Variants in HSP90AA1 observed in about 807,000 individuals in gnomAD.
HSP90AA1 encodes the protein heat shock protein 90 alpha family class A member 1.
A neutral mutation model predicts 73.3 loss-of-function variants in HSP90AA1; 18 were observed. The ratio of observed to expected loss-of-function variants is 0.25; its 90% confidence interval spans 0.17 to 0.36. The LOEUF (loss-of-function observed/expected upper bound fraction) is 0.36, where lower values mean the gene tolerates loss of function less well. Ranked by LOEUF, HSP90AA1 falls within the 10% of genes least tolerant of loss-of-function variation. HSP90AA1 has a pLI of 1.00. For missense variants in HSP90AA1, 704 were observed against 874.2 expected, an observed-to-expected ratio of 0.81 and a Z score of 2.45; for synonymous variants, 477 against 296.9, an observed-to-expected ratio of 1.61 and a Z score of -6.24.
rs192637814 is a variant in HSP90AA1 at position 102,098,754 on chromosome 14, G to A, written c.366+3121C>T. 2.7e-3 allele frequency among the ~76,000 whole-genome samples: 414 copies of A among 152,176 alleles called. 1 individual carries two copies. Among genetic ancestry groups the A allele is most frequent in the Non-Finnish European group, 4.6e-3 (311 of 67,986 alleles). ...TCTGTCGCCCAGGCTGGAGTGCAAT[G>A]GCACGATCTTGGCTCACTGTAACCT... On this transcript the variant is annotated intron_variant, in intron 2 of 11. Coordinates refer to the HSP90AA1 transcript ENST00000334701.
chr14:102,088,344 C>G (rs1044211958), upstream of HSP90AA1, among the ~76,000 whole-genome samples: 1 of 152,184 alleles, frequency 6.6e-6, no homozygotes, highest in African/African-American at 2.4e-5. Context: ...CCTGCCTAGA[C>G]TCATAGCCAG....
chr14:102,118,650 T>C (rs543798437), intron 1 of HSP90AA1, among the ~76,000 whole-genome samples: 14 of 152,322 alleles, frequency 9.2e-5, no homozygotes, highest in African/African-American at 2.9e-4. Flanking sequence ...TTTTAAATAA[T>C]ATTAATAACA....
At chr14:102,129,794 C>G (rs1303941413) in intron 1 of HSP90AA1, among the ~76,000 whole-genome samples, 1 of 110,262 alleles carries the variant, frequency 9.1e-6, no homozygotes, top group Admixed American at 1.1e-4. Flanking sequence ...TGAGCCACCA[C>G]GCCCGACAAC....
chr14:102,134,152 A>G (rs1275615573), intron 1 of HSP90AA1, among the ~76,000 whole-genome samples: 1 of 148,474 alleles, frequency 6.7e-6, no homozygotes, highest in African/African-American at 2.5e-5. Flanking sequence ...CCTGTCTCAA[A>G]AAAAAAAAAA....
intron 7 of HSP90AA1, 44 bp from the exon 8 acceptor site, chr14:102,083,737 A>C: frequency 6.3e-7 from 1 of 1,592,552 alleles, no homozygotes; most frequent in Non-Finnish European, 8.6e-7. Flanking sequence ...TGAATTAAAA[A>C]AAAAAAAAAA....
At chr14:102,105,241 T>G (rs1248455756) in intron 1 of HSP90AA1, among the ~76,000 whole-genome samples, 5 of 148,024 alleles carry the variant, frequency 3.4e-5, no homozygotes, top group Non-Finnish European at 5.9e-5. Context: ...CAAACTTCAT[T>G]CAACAAACAC....
chr14:102,084,821 T>C lies in HSP90AA1; in HGVS notation c.841A>G (p.Lys281Glu), dbSNP rs1374978162. The C allele has an allele frequency of 6.2e-7, 1 of 1,610,988 alleles. No homozygotes were observed. The highest frequency in any genetic ancestry group is 8.5e-7 in the Non-Finnish European group (1 of 1,177,152). ...TCTTCTTGATCGATGTACTTTTCCT[T>C]AATCTTCTTCTTCTTCTTCTTGTCA... ...DGDKKKKKKI[K>E]EKYIDQEELN... Residue 281 changes from lysine to glutamate, a missense_variant, in exon 5 of 11, where the codon AAG becomes GAG. Physicochemically the swap from Lys to Glu is moderately conservative, Grantham distance 56. Coordinates refer to ENST00000216281, the MANE Select transcript of HSP90AA1 (RefSeq NM_005348.4).
chr14:102,102,181 C>T, intron 1 of HSP90AA1: 1 of 975,946 alleles, frequency 1.0e-6, no homozygotes, highest in Non-Finnish European at 1.6e-6. Context: ...GCAGGCATGC[C>T]CTGGCTTCCT....
At chr14:102,101,953 T>C (rs1486927619) in exon 2 of HSP90AA1, 2 of 1,614,144 alleles carry the variant, frequency 1.2e-6, no homozygotes, top group Admixed American at 3.3e-5. Flanking sequence ...TGAAGGCCAG[T>C]GACGCGGTGA....
chr14:102,119,414 T>A (rs1315759092), intron 1 of HSP90AA1, among the ~76,000 whole-genome samples: 1 of 152,198 alleles, frequency 6.6e-6, no homozygotes, highest in East Asian at 1.9e-4. Context: ...ATTAAGTATA[T>A]TCTTAGGGGT....
rs561355038 is a variant in HSP90AA1 at position 102,095,443 on chromosome 14, T to C, written c.366+6432A>G. ...GCCTCAGTCTGCATCCCCTGGCATCTGCTCTGAGTCAGGCAGGGGACAGAT... is the reference window on the plus strand; with the variant it reads ...GCCTCAGTCTGCATCCCCTGGCATCCGCTCTGAGTCAGGCAGGGGACAGAT... On this transcript the variant is annotated intron_variant, in intron 2 of 11. Transcript: ENST00000334701. Among the ~76,000 whole-genome samples, 3 of 152,142 alleles carry C rather than the reference T, an allele frequency of 2.0e-5. No homozygotes were observed. In the South Asian group the frequency reaches 6.2e-4, roughly 31 times the overall value.
chr14:102,098,644 A>G (rs962620963), intron 2 of HSP90AA1, among the ~76,000 whole-genome samples: 1 of 151,782 alleles, frequency 6.6e-6, no homozygotes, highest in Non-Finnish European at 1.5e-5. Flanking sequence ...TTATATTTTT[A>G]GTAGAGACAG....
chr14:102,113,575 G>A (rs1011126513), intron 1 of HSP90AA1, among the ~76,000 whole-genome samples: 2 of 150,048 alleles, frequency 1.3e-5, no homozygotes, highest in South Asian at 2.1e-4. Context: ...TAGTGGAGAC[G>A]GGATTTCACC....
chr14:102,135,193 C>T (rs2049972874), intron 1 of HSP90AA1, among the ~76,000 whole-genome samples: 1 of 151,878 alleles, frequency 6.6e-6, no homozygotes, highest in Admixed American at 6.6e-5. Context: ...TCTCCAAGGC[C>T]CCACCAGAGC....
At chr14:102,101,927 G>T in exon 2 of HSP90AA1, 1 of 1,614,168 alleles carries the variant, frequency 6.2e-7, no homozygotes, top group South Asian at 1.1e-5. Context: ...GTGTTGCCCT[G>T]CACCTTGGCT....
chr14:102,099,645 C>T (rs2049468448), intron 2 of HSP90AA1, among the ~76,000 whole-genome samples: 1 of 152,206 alleles, frequency 6.6e-6, no homozygotes, highest in South Asian at 2.1e-4. Flanking sequence ...AAACAGCTAG[C>T]TAATTAAATG....
At position 102,081,520 on chromosome 14, in the gene HSP90AA1, T is replaced by C. The variant is rs2049098194; in HGVS notation, c.*192A>G. 2 of 608,708 alleles carry C rather than the reference T, an allele frequency of 3.3e-6. No homozygotes were observed. The highest frequency in any genetic ancestry group is 5.8e-5 in the Admixed American group (2 of 34,562). 37.7% of individuals were successfully genotyped at this position (608,708 alleles called of 1,614,324 possible). ...AACCAACATGAAACTCAAAAAGCATTACTAGCTCTGCTTTAGTGCCTAAGG... is the reference window on the plus strand; with the variant it reads ...AACCAACATGAAACTCAAAAAGCATCACTAGCTCTGCTTTAGTGCCTAAGG... On this transcript the variant is annotated 3_prime_UTR_variant, in exon 11 of 11. Coordinates refer to ENST00000216281, the MANE Select transcript of HSP90AA1 (RefSeq NM_005348.4).
intron 2 of HSP90AA1, among the ~76,000 whole-genome samples, chr14:102,096,530 T>C (rs574596888): frequency 2.6e-5 from 4 of 152,318 alleles, no homozygotes; most frequent in Admixed American, 2.6e-4. Context: ...GGCAAATACG[T>C]GTCTGCCAAG....
chr14:102,106,831 GCTGCGCCCACC>G (rs2049575625), intron 1 of HSP90AA1, among the ~76,000 whole-genome samples: 1 of 151,206 alleles, frequency 6.6e-6, no homozygotes, highest in Non-Finnish European at 1.5e-5. Context: ...AGTGTGAGCC[GCTGCGCCCACC>G]CTGTTGAGCT....
Sources: gnomAD v4.1 joint callset for allele counts (sites outside exome capture counted in the v4.1 genomes callset) on GRCh38, gnomAD v4.1.1 for gene constraint, MANE v1.5 for transcripts, NCBI Gene and HGNC (gene_info 2026-07-23, HGNC 2026-07-21) for gene names.